Variants in LCA5 observed in about 807,000 individuals in gnomAD.
LCA5 encodes the protein lebercilin LCA5.
A neutral mutation model predicts 53.0 loss-of-function variants in LCA5; 37 were observed. That is an observed-to-expected ratio of 0.70 (90% CI 0.54 to 0.92). LCA5 has a LOEUF of 0.92. Among genes scored for constraint, LCA5 ranks in the 40% least tolerant of loss-of-function variants. The pLI is 0.00. For missense variants in LCA5, 806 were observed against 790.5 expected, an observed-to-expected ratio of 1.02 and a Z score of -0.23; for synonymous variants, 303 against 282.9, an observed-to-expected ratio of 1.07 and a Z score of -0.71.
At chr6:79,501,280 C>A (rs997277995) in intron 3 of LCA5, among the ~76,000 whole-genome samples, 2 of 152,000 alleles carry the variant, frequency 1.3e-5, no homozygotes, top group Non-Finnish European at 2.9e-5. Context: ...TATTTTTGAA[C>A]CTGTCAAGAA....
Position 79,485,273 on chromosome 6 carries a change from A to T in LCA5, c.*1731T>A, listed in dbSNP as rs776673789. 3.9e-5 allele frequency: 6 copies of T among 152,572 alleles called. No individual in the cohort carries two copies. The highest frequency in any genetic ancestry group is 7.4e-5 in the Non-Finnish European group (5 of 67,976). The allele number at this position is 152,572 out of a possible 1,614,324, so 9.5% of individuals were successfully genotyped here. A position where few individuals can be genotyped will look rare whatever the true frequency, so the allele number is the denominator to read the frequency against. ...ATGACGTGAATAAAAAACTTAACTA[A>T]AAAGTTTTAAAAGCCTTTAAAACAA... is the stretch of plus-strand genomic sequence containing the variant. On this transcript the variant is annotated 3_prime_UTR_variant, in exon 8 of 8. Transcript: ENST00000369846.
chr6:79,505,987 G>A (rs1157297609), intron 3 of LCA5, among the ~76,000 whole-genome samples: 3 of 152,078 alleles, frequency 2.0e-5, no homozygotes, highest in Admixed American at 2.0e-4. Context: ...TTTGAAAGTG[G>A]TTTACATGGA....
rs569666879 is a variant in LCA5 at position 79,513,433 on chromosome 6, C to T, written c.499G>A (p.Glu167Lys). 1 of 1,613,828 alleles carries T rather than the reference C, an allele frequency of 6.2e-7. No individual in the cohort carries two copies. Among genetic ancestry groups the T allele is most frequent in the Non-Finnish European group, 8.5e-7 (1 of 1,179,862 alleles). Residue 167 changes from glutamate (E) to lysine (K), a missense_variant, in exon 3 of 8, where the codon GAG (glutamate) becomes AAG (lysine). Coordinates refer to ENST00000369846, the MANE Select transcript of LCA5 (RefSeq NM_001122769.3). ...ISQLIFRHNN[E>K]ITALKERLRK... is the part of the protein sequence containing the mutation. Reference sequence around the variant, plus strand: ...AAGCGTTCTTTGAGTGCTGTAATCTCATTGTTATGACGAAATATAAGTTGT... The same window carrying T: ...AAGCGTTCTTTGAGTGCTGTAATCTTATTGTTATGACGAAATATAAGTTGT...
intron 1 of LCA5, among the ~76,000 whole-genome samples, chr6:79,519,715 C>CAAAAAA (rs397887695): frequency 4.0e-5 from 2 of 49,998 alleles, no homozygotes; most frequent in Middle Eastern, 0.015. Context: ...GACTCCATCT[C>CAAAAAA]AAAAAAAAAA....
rs1769629052 is a variant in LCA5 at position 79,485,627 on chromosome 6, C to A, written c.*1377G>T. 1 of 152,104 alleles carries A rather than the reference C, an allele frequency of 6.6e-6. No homozygotes were observed. Among genetic ancestry groups the A allele is most frequent in the Non-Finnish European group, 1.5e-5 (1 of 68,022 alleles). 9.4% of individuals were successfully genotyped at this position (152,104 alleles called of 1,614,324 possible). ...TCATGCAATGAAATTCAATAATATG[C>A]ATTTATAAGAACTCAGAATAACACA... is the stretch of plus-strand genomic sequence containing the variant. On this transcript the variant is annotated 3_prime_UTR_variant, in exon 8 of 8. Transcript: ENST00000369846.
Position 79,487,260 on chromosome 6 carries a change from C to T in LCA5, c.1838G>A (p.Gly613Asp). 2 of 1,614,100 alleles carry T rather than the reference C, an allele frequency of 1.2e-6. No homozygotes were observed. Among genetic ancestry groups the T allele is most frequent in the South Asian group, 1.1e-5 (1 of 91,086 alleles). ...NLMEQLFGASGSSTISSKSSD... is the reference protein window; with the variant it reads ...NLMEQLFGASDSSTISSKSSD... Reference sequence around the variant, plus strand: ...GCTTTTGGAGGAAATGGTGCTGCTACCACTGGCACCAAATAACTGTTCCAT... The same window carrying T: ...GCTTTTGGAGGAAATGGTGCTGCTATCACTGGCACCAAATAACTGTTCCAT... Residue 613 changes from glycine to aspartate, a missense_variant, in exon 8 of 8, where the codon GGT becomes GAT. By Grantham distance (94) the Gly-to-Asp change is moderately conservative. Coordinates refer to ENST00000369846, the MANE Select transcript of LCA5 (RefSeq NM_001122769.3).
In LCA5 at chr6:79,486,177, C is replaced by G; in HGVS notation, c.*827G>C. 6.6e-6 allele frequency: 1 copy of G among 152,106 alleles called. No homozygotes were observed. The allele number at this position is 152,106 out of a possible 1,614,324, so 9.4% of individuals were successfully genotyped here. A position where few individuals can be genotyped will look rare whatever the true frequency, so the allele number is the denominator to read the frequency against. On this transcript the variant is annotated 3_prime_UTR_variant, in exon 8 of 8. Transcript: ENST00000369846. ...TATATTGGGATAAAGTTTTTCTATTCTTTGCAGTTGGTATGTATTTCCACT... is the reference window on the plus strand; with the variant it reads ...TATATTGGGATAAAGTTTTTCTATTGTTTGCAGTTGGTATGTATTTCCACT...
chr6:79,517,430 A>T (rs12205466), intron 2 of LCA5, among the ~76,000 whole-genome samples: 1,682 of 152,220 alleles, frequency 0.011, 29 homozygotes, highest in Middle Eastern at 0.054. Context: ...CTTGAGACTA[A>T]CAGGCATTTT....
chr6:79,517,621 G>C (rs1056647184), intron 2 of LCA5, among the ~76,000 whole-genome samples: 12 of 152,154 alleles, frequency 7.9e-5, no homozygotes, highest in Admixed American at 7.2e-4. Flanking sequence ...AAAAGAAAAA[G>C]GTTCCCAATT....
At position 79,487,824 on chromosome 6, in the gene LCA5, G is replaced by A. The variant is rs751940141; in HGVS notation, c.1274C>T (p.Ala425Val). ...CTTTTCTTCTCTTTCCAGTAAAGAT[G>A]CCTTTTCTTTTTGCTTTTTATCAAG... ...EELDKKQKEK[A>V]SLLEREEKPE... The change falls in exon 8 of 8, where the codon GCA becomes GTA. Residue 425 changes from alanine to valine, a missense_variant. Coordinates refer to ENST00000369846, the MANE Select transcript of LCA5 (RefSeq NM_001122769.3). The A allele has an allele frequency of 1.9e-6, 3 of 1,608,346 alleles. No homozygotes were observed. Among genetic ancestry groups the A allele is most frequent in the South Asian group, 2.2e-5 (2 of 89,204 alleles).
intron 1 of LCA5, among the ~76,000 whole-genome samples, chr6:79,523,994 T>C (rs1034293855): frequency 1.2e-4 from 19 of 152,228 alleles, no homozygotes; most frequent in African/African-American, 3.9e-4. Flanking sequence ...GATTGCAACA[T>C]GCAACCACAT....
intron 1 of LCA5, among the ~76,000 whole-genome samples, chr6:79,524,357 A>G (rs1406918049): frequency 6.6e-6 from 1 of 152,196 alleles, no homozygotes; most frequent in Non-Finnish European, 1.5e-5. Context: ...TTTAGGAAGT[A>G]AATGTTCTAA....
chr6:79,536,404 G>C (rs891864366), intron 1 of LCA5, among the ~76,000 whole-genome samples: 3 of 152,140 alleles, frequency 2.0e-5, no homozygotes, highest in Non-Finnish European at 4.4e-5. Context: ...AAATATGTAT[G>C]TGCCCAAGTA....
chr6:79,511,561 C>T (rs910804416), intron 3 of LCA5, among the ~76,000 whole-genome samples: 1 of 152,004 alleles, frequency 6.6e-6, no homozygotes, highest in Non-Finnish European at 1.5e-5. Context: ...GGTAGTCACA[C>T]GAATCTATAC....
chr6:79,535,220 C>T (rs781222662), intron 1 of LCA5, among the ~76,000 whole-genome samples: 6 of 151,924 alleles, frequency 3.9e-5, no homozygotes, highest in Admixed American at 6.6e-5. Context: ...GGGACTGGAT[C>T]GGGTGGAAGA....
chr6:79,506,831 G>A (rs745926935), intron 3 of LCA5, among the ~76,000 whole-genome samples: 2 of 152,150 alleles, frequency 1.3e-5, no homozygotes, highest in Non-Finnish European at 2.9e-5. Flanking sequence ...AGGCTCCACT[G>A]AAACATATAC....
Position 79,513,459 on chromosome 6 carries a change from G to T in LCA5, c.473C>A (p.Ser158Ter). Residue 158 changes from serine (S) to a stop codon, truncating the protein, a stop_gained, in exon 3 of 8, where the codon TCA becomes TAA. Transcript: ENST00000369846. LOFTEE classifies it high-confidence loss of function. ...ATTGTTATGACGAAATATAAGTTGT[G>T]AGATTTCATTTTCGGCATCTTCAAA... is the stretch of plus-strand genomic sequence containing the variant. ...NKFEDAENEI[S>*]QLIFRHNNEI... 6.2e-7 allele frequency: 1 copy of T among 1,613,868 alleles called. No homozygotes were observed. Among genetic ancestry groups the T allele is most frequent in the Non-Finnish European group, 8.5e-7 (1 of 1,179,908 alleles).
intron 6 of LCA5, among the ~76,000 whole-genome samples, chr6:79,489,639 C>G (rs1178316580): frequency 2.0e-5 from 3 of 152,024 alleles, no homozygotes; most frequent in Admixed American, 6.6e-5. Flanking sequence ...TTATGTCCAA[C>G]CCCCAATTAA....
chr6:79,487,935 AC>A (rs1355005656), intron 7 of LCA5, 69 bp from the exon 8 acceptor site: 8 of 1,206,416 alleles, frequency 6.6e-6, no homozygotes, highest in Non-Finnish European at 9.4e-6. Flanking sequence ...AAAACTATCA[AC>A]TTTCATAAAA....
Sources: allele counts gnomAD v4.1 joint callset (sites outside exome capture counted in the v4.1 genomes callset), GRCh38; gene constraint gnomAD v4.1.1; transcripts MANE v1.5; gene names NCBI Gene and HGNC (gene_info 2026-07-23, HGNC 2026-07-21).